EPS8: variants seen among roughly 807,000 people sequenced by gnomAD.
EPS8 encodes the protein EGFR pathway substrate 8, signaling adaptor, also known as epidermal growth factor receptor kinase substrate 8.
Under a neutral mutation model 103.8 loss-of-function variants are expected in EPS8, and 42 were observed. The observed-to-expected ratio is 0.40, with a 90% CI of 0.32 to 0.52. EPS8 has a LOEUF of 0.52. Among genes scored for constraint, EPS8 ranks in the 20% least tolerant of loss-of-function variants. EPS8 has a pLI of 0.40. For missense variants in EPS8, 969 were observed against 1,005.1 expected (o/e 0.96, Z 0.49); for synonymous variants, 344 against 344.6 (o/e 1.00, Z 0.02).
intron 19 of EPS8, among the ~76,000 whole-genome samples, chr12:15,623,929 A>C (rs772795178): frequency 8.5e-5 from 13 of 152,220 alleles, no homozygotes; most frequent in Non-Finnish European, 1.6e-4. Context: ...GTTACATCAC[A>C]GTAATCTGAT....
At chr12:15,649,117 C>T (rs538156443) in intron 14 of EPS8, among the ~76,000 whole-genome samples, 3 of 152,120 alleles carry the variant, frequency 2.0e-5, no homozygotes, top group Non-Finnish European at 2.9e-5. Flanking sequence ...CTACTTCAGC[C>T]ATAAAATGAA....
chr12:15,656,741 T>C (rs867163458), intron 12 of EPS8, among the ~76,000 whole-genome samples: 1 of 152,122 alleles, frequency 6.6e-6, no homozygotes, highest in East Asian at 1.9e-4. Flanking sequence ...TGGATACAAC[T>C]CAATTTTGAT....
chr12:15,782,141 T>C (rs934001177), intron 1 of EPS8: 2 of 152,162 alleles, frequency 1.3e-5, no homozygotes, highest in Admixed American at 6.5e-5. Flanking sequence ...GGTCCACTTA[T>C]ACACAGATTT....
intron 1 of EPS8, among the ~76,000 whole-genome samples, chr12:15,686,626 T>TA (rs1052440099): frequency 6.6e-6 from 1 of 152,124 alleles, no homozygotes; most frequent in African/African-American, 2.4e-5. Context: ...ATGGAATATA[T>TA]AAAAAATGAC....
chr12:15,667,480 A>C (rs1008422669), intron 6 of EPS8, among the ~76,000 whole-genome samples: 6 of 152,128 alleles, frequency 3.9e-5, no homozygotes, highest in Non-Finnish European at 7.4e-5. Context: ...TATCGTGTCA[A>C]AGGCTTTCTG....
chr12:15,707,876 T>C (rs982201316), intron 1 of EPS8, among the ~76,000 whole-genome samples: 4 of 152,192 alleles, frequency 2.6e-5, no homozygotes, highest in African/African-American at 9.6e-5. Flanking sequence ...AATCATTTCA[T>C]CCTCTTTTTG....
At chr12:15,711,799 G>C (rs1946468984) in intron 1 of EPS8, among the ~76,000 whole-genome samples, 1 of 152,038 alleles carries the variant, frequency 6.6e-6, no homozygotes, top group South Asian at 2.1e-4. Flanking sequence ...AAATAATAGT[G>C]ACATTACAAG....
At chr12:15,783,715 TA>T (rs34686335) in intron 1 of EPS8, among the ~76,000 whole-genome samples, 3,762 of 95,348 alleles carry the variant, frequency 0.039, 100 homozygotes, top group African/African-American at 0.095. Context: ...TCTGAGTTAG[TA>T]AAAAAAAAAA....
chr12:15,781,495 T>C lies in EPS8; in HGVS notation c.-22+7666A>G, dbSNP rs1947260417. ...GGGCCTATTCCTTTATCTGTAATTC[T>C]GAGATAAAGAAGCATGCCTTAAAGG... On this transcript the variant is annotated intron_variant, in intron 1 of 20. Transcript: ENST00000281172. This position sits in a 1 kb window ranked among gnomAD's most constrained non-coding sequence, Gnocchi z 4.1. Among the ~76,000 whole-genome samples the C allele has an allele frequency of 6.6e-6, 1 of 152,172 alleles. No homozygotes were observed. Among genetic ancestry groups the C allele is most frequent in the African/African-American group, 2.4e-5 (1 of 41,440 alleles).
At chr12:15,674,221 A>G (rs1157720916) in intron 3 of EPS8, among the ~76,000 whole-genome samples, 1 of 152,202 alleles carries the variant, frequency 6.6e-6, no homozygotes, top group African/African-American at 2.4e-5. Flanking sequence ...ATTCAAAGAT[A>G]CAGCTAATAT....
intron 20 of EPS8, 142 bp downstream of exon 20, chr12:15,623,016 T>C: frequency 1.4e-6 from 1 of 736,138 alleles, no homozygotes; most frequent in Non-Finnish European, 2.2e-6. Context: ...TCATTGATGA[T>C]CTCAGTGACA....
rs2135969899 is a variant in EPS8, at chr12:15,717,127, C to T, written c.-21-34155G>A. On this transcript the variant is annotated intron_variant, in intron 1 of 20. Transcript: ENST00000281172. The surrounding 1 kb of genome is among the most constrained non-coding windows in gnomAD (Gnocchi z 4.3). ...TTTACCTGGAGAGGGACAGGAGATG[C>T]AATATGACTTATCTTTGGGAGAATC... Among the ~76,000 whole-genome samples, 1 of 152,298 alleles carries T rather than the reference C, an allele frequency of 6.6e-6. No homozygotes were observed. The highest frequency in any genetic ancestry group is 1.9e-4 in the East Asian group (1 of 5,192).
At chr12:15,645,487 C>T (rs1188354795) in intron 15 of EPS8, among the ~76,000 whole-genome samples, 6 of 151,996 alleles carry the variant, frequency 3.9e-5, no homozygotes, top group African/African-American at 1.5e-4. Flanking sequence ...ACTTTAACTA[C>T]ATATAATTTA....
At chr12:15,730,095 A>G (rs956367620) in intron 1 of EPS8, among the ~76,000 whole-genome samples, 1 of 152,118 alleles carries the variant, frequency 6.6e-6, no homozygotes, top group Non-Finnish European at 1.5e-5. Flanking sequence ...CCTCTCCATT[A>G]TATCAACTCC....
chr12:15,638,798 T>C (rs558289283), intron 17 of EPS8, among the ~76,000 whole-genome samples: 1 of 152,298 alleles, frequency 6.6e-6, no homozygotes, highest in South Asian at 2.1e-4. Flanking sequence ...GAAAATACTT[T>C]CCCTGCGTAT....
Position 15,706,879 on chromosome 12 carries a change from T to A in EPS8, c.-21-23907A>T, listed in dbSNP as rs954394378. On this transcript the variant is annotated intron_variant, in intron 1 of 20. Transcript: ENST00000281172. This position sits in a 1 kb window ranked among gnomAD's most constrained non-coding sequence, Gnocchi z 5.2. ...CTAACTAAATTTATACAAATGCCCA[T>A]ATTTGATATCTAGTTAGCAAGCCAG... is the stretch of plus-strand genomic sequence containing the variant. Among the ~76,000 whole-genome samples, 6 of 152,202 alleles carry A rather than the reference T, an allele frequency of 3.9e-5. No homozygotes were observed. The highest frequency in any genetic ancestry group is 8.8e-5 in the Non-Finnish European group (6 of 68,036).
chr12:15,652,541 A>G (rs1945433138), intron 13 of EPS8, among the ~76,000 whole-genome samples: 2 of 152,198 alleles, frequency 1.3e-5, no homozygotes. Flanking sequence ...GTATCAAACT[A>G]TCATATGTAC....
intron 1 of EPS8, among the ~76,000 whole-genome samples, chr12:15,755,144 G>A (rs983389393): frequency 2.0e-5 from 3 of 152,132 alleles, no homozygotes; most frequent in Admixed American, 2.0e-4. Flanking sequence ...CTCATCTAGA[G>A]GCACACTTTC....
At chr12:15,649,131 T>C (rs1375894984) in intron 14 of EPS8, among the ~76,000 whole-genome samples, 2 of 152,192 alleles carry the variant, frequency 1.3e-5, no homozygotes, top group Non-Finnish European at 2.9e-5. Context: ...AAATGAAATA[T>C]AGTTTATAAC....
Sources: gnomAD v4.1 joint callset for allele counts (sites outside exome capture counted in the v4.1 genomes callset) on GRCh38, gnomAD v4.1.1 for gene constraint, Gnocchi (gnomAD v3.1) non-coding constraint, MANE v1.5 for transcripts, NCBI Gene and HGNC (gene_info 2026-07-23, HGNC 2026-07-21) for gene names.